Variants in PAX2 observed in about 807,000 individuals in gnomAD.
PAX2 encodes the protein paired box protein Pax-2.
In PAX2, 9 loss-of-function variants were observed where a neutral mutation model predicts 41.7. The ratio of observed to expected loss-of-function variants is 0.22; its 90% CI spans 0.13 to 0.38. PAX2 has a LOEUF of 0.38. Ranked by LOEUF, PAX2 falls within the 10% of genes least tolerant of loss-of-function variation. PAX2 has a pLI of 1.00. For missense variants in PAX2, 418 were observed against 531.6 expected, an observed-to-expected ratio of 0.79 and a Z score of 2.10; for synonymous variants, 221 against 212.7, an observed-to-expected ratio of 1.04 and a Z score of -0.34.
chr10:100,823,935 G>C (rs1779803803), intron 7 of PAX2, among the ~76,000 whole-genome samples: 1 of 152,182 alleles, frequency 6.6e-6, no homozygotes, highest in African/African-American at 2.4e-5. Flanking sequence ...AGCAGCTGGT[G>C]GGGGAGCAGA....
intron 3 of PAX2, among the ~76,000 whole-genome samples, chr10:100,759,240 G>A (rs1019192236): frequency 1.3e-5 from 2 of 152,208 alleles, no homozygotes; most frequent in African/African-American, 4.8e-5. Context: ...GGGGCCCAGA[G>A]GTGATGAAGG....
At chr10:100,805,744 A>G (rs1254893242) in intron 5 of PAX2, among the ~76,000 whole-genome samples, 1 of 152,168 alleles carries the variant, frequency 6.6e-6, no homozygotes, top group East Asian at 1.9e-4. Context: ...GAAGGCGGCC[A>G]GGGCATAGAG....
Position 100,748,984 on chromosome 10 carries a change from G to A in PAX2, c.44-762G>A. 6.1e-6 allele frequency: 6 copies of A among 985,410 alleles called. No individual in the cohort carries two copies. The highest frequency in any genetic ancestry group is 7.2e-6 in the Non-Finnish European group (6 of 829,932). The allele number at this position is 985,410 out of a possible 1,614,324, so 61.0% of individuals were successfully genotyped here. A position where few individuals can be genotyped will look rare whatever the true frequency, so the allele number is the denominator to read the frequency against. ...GCCGGCATTCTCTGCCTGCTGCCTG[G>A]AGCCGCTCTGCCTCCCTGTCTCTGA... On this transcript the variant is annotated intron_variant, in intron 1 of 9. Coordinates refer to ENST00000355243, the MANE Select transcript of PAX2 (RefSeq NM_000278.5). The surrounding 1 kb of genome is among the most constrained non-coding windows in gnomAD (Gnocchi z 5.0).
Position 100,750,667 on chromosome 10 carries a change from C to T in PAX2, c.213-27C>T, listed in dbSNP as rs776320249. ...CTGCCCCGCCACAGTCCGCTTCTGG[C>T]TGACCCCGCCGGCTTTCCCGGCGCA... On this transcript the variant is annotated intron_variant, in intron 2 of 9. Transcript: ENST00000355243. The surrounding 1 kb of genome is among the most constrained non-coding windows in gnomAD (Gnocchi z 4.1). 1 of 1,609,130 alleles carries T rather than the reference C, an allele frequency of 6.2e-7. No individual in the cohort carries two copies. The highest frequency in any genetic ancestry group is 8.5e-7 in the Non-Finnish European group (1 of 1,175,864).
At chr10:100,749,675 C>A in intron 1 of PAX2, 71 bp from the exon 2 acceptor site, 2 of 1,557,820 alleles carry the variant, frequency 1.3e-6, no homozygotes, top group Non-Finnish European at 8.7e-7. Flanking sequence ...CCGTCCCGGG[C>A]CGCGGACCCT....
intron 5 of PAX2, among the ~76,000 whole-genome samples, chr10:100,804,977 TTCTC>T (rs1218429788): frequency 0.011 from 804 of 71,986 alleles, 4 homozygotes; most frequent in Non-Finnish European, 0.017. Flanking sequence ...CTCTCTCTCC[TTCTC>T]TCTCTCTCTC....
chr10:100,759,610 T>G (rs1193499450), intron 3 of PAX2, among the ~76,000 whole-genome samples: 1 of 152,166 alleles, frequency 6.6e-6, no homozygotes, highest in Non-Finnish European at 1.5e-5. Context: ...GAACCACAGA[T>G]TTCTCTCTGC....
chr10:100,817,396 G>A (rs1327222075), intron 7 of PAX2, among the ~76,000 whole-genome samples: 3 of 152,214 alleles, frequency 2.0e-5, no homozygotes, highest in Non-Finnish European at 4.4e-5. Context: ...TGCTGAAGCT[G>A]CATTTCCATC....
At chr10:100,744,924 T>C (rs1468406194), upstream of PAX2, among the ~76,000 whole-genome samples, 1 of 152,154 alleles carries the variant, frequency 6.6e-6, no homozygotes, top group Non-Finnish European at 1.5e-5. Flanking sequence ...CTGGACACTT[T>C]TCCGTGGAAT....
At chr10:100,735,458 G>A (rs1844756558) in exon 1 of PAX2, 1 of 234,390 alleles carries the variant, frequency 4.3e-6, no homozygotes, top group Non-Finnish European at 8.4e-6. Flanking sequence ...GCACGCGTGT[G>A]CGCGGGGCGG....
At position 100,779,005 on chromosome 10, in the gene PAX2, A is replaced by G. The variant is rs530964991; in HGVS notation, c.411-493A>G. Among the ~76,000 whole-genome samples, 221 of 152,218 alleles carry G rather than the reference A, an allele frequency of 1.5e-3. 8 individuals carry two copies. The South Asian group carries it at 0.041, about 28-fold the overall frequency. ...CCTGGCTACTTCTCATTCTTTCAGGATATGGGGAAATCTCATCCTCTCAAC... is the reference window on the plus strand; with the variant it reads ...CCTGGCTACTTCTCATTCTTTCAGGGTATGGGGAAATCTCATCCTCTCAAC... On this transcript the variant is annotated intron_variant, in intron 3 of 9. Coordinates refer to ENST00000355243, the MANE Select transcript of PAX2 (RefSeq NM_000278.5).
chr10:100,745,991 C>T lies in PAX2; in HGVS notation c.-270C>T. On this transcript the variant is annotated 5_prime_UTR_variant, in exon 1 of 10. Transcript: ENST00000355243. The stretch of plus-strand genomic sequence containing the variant: ...CCCCAGTGCACCCCGGCCCGGCCCA[C>T]CGCCCCGGGGCCATTCTGCTGACCG... 7.4e-7 allele frequency: 1 copy of T among 1,348,456 alleles called. No individual in the cohort carries two copies. Among genetic ancestry groups the T allele is most frequent in the Non-Finnish European group, 9.5e-7 (1 of 1,055,368 alleles). The allele number at this position is 1,348,456 out of a possible 1,614,324, so 83.5% of individuals were successfully genotyped here.
Position 100,815,777 on chromosome 10 carries a change from A to G in PAX2, c.919+6541A>G, listed in dbSNP as rs181303612. Among the ~76,000 whole-genome samples the G allele has an allele frequency of 1.7e-4, 26 of 152,322 alleles. No homozygotes were observed. The East Asian group carries it at 5.0e-3, about 29-fold the overall frequency. On this transcript the variant is annotated intron_variant, in intron 7 of 9. Coordinates refer to ENST00000355243, the MANE Select transcript of PAX2 (RefSeq NM_000278.5). ...GAGTCAGGCCATATTTGACCAGAAT[A>G]AAAGCTGTGCCACCTCAATCTCAGG...
intron 3 of PAX2, among the ~76,000 whole-genome samples, chr10:100,771,692 T>G (rs1260181103): frequency 1.3e-5 from 2 of 152,226 alleles, no homozygotes; most frequent in African/African-American, 4.8e-5. Context: ...TGTTGCTGAC[T>G]TGCCTCGGGG....
In PAX2 at chr10:100,746,141, C is replaced by T; in HGVS notation, c.-120C>T. Reference sequence around the variant, plus strand: ...CCGCCCCCGCGCGCCCCGCAGCAGCCGGGCGTTCACTCATCCTCCCTCCCC... The same window carrying T: ...CCGCCCCCGCGCGCCCCGCAGCAGCTGGGCGTTCACTCATCCTCCCTCCCC... On this transcript the variant is annotated 5_prime_UTR_variant, in exon 1 of 10. Coordinates refer to ENST00000355243, the MANE Select transcript of PAX2 (RefSeq NM_000278.5). The T allele has an allele frequency of 6.3e-7, 1 of 1,581,722 alleles. No homozygotes were observed. The highest frequency in any genetic ancestry group is 8.6e-7 in the Non-Finnish European group (1 of 1,165,672).
At chr10:100,789,118 T>C (rs1846998890) in intron 5 of PAX2, among the ~76,000 whole-genome samples, 2 of 152,086 alleles carry the variant, frequency 1.3e-5, no homozygotes, top group Non-Finnish European at 2.9e-5. Flanking sequence ...CTCTCTCTCT[T>C]TTTTTTGGAT....
At chr10:100,783,481 G>A (rs1350636311) in intron 5 of PAX2, among the ~76,000 whole-genome samples, 3 of 152,140 alleles carry the variant, frequency 2.0e-5, no homozygotes, top group Admixed American at 1.3e-4. Flanking sequence ...GACAATGGTA[G>A]CCTGAAATTC....
chr10:100,810,859 CT>C (rs1847967703), intron 7 of PAX2, among the ~76,000 whole-genome samples: 1 of 152,154 alleles, frequency 6.6e-6, no homozygotes, highest in Non-Finnish European at 1.5e-5. Flanking sequence ...CCCCACCCGC[CT>C]CCCCCCCATG....
At chr10:100,798,744 C>T (rs1466653090) in intron 5 of PAX2, among the ~76,000 whole-genome samples, 1 of 152,160 alleles carries the variant, frequency 6.6e-6, no homozygotes, top group African/African-American at 2.4e-5. Context: ...GACTCCCCCA[C>T]CCAATCCATC....
Sources: gnomAD v4.1 joint callset for allele counts (sites outside exome capture counted in the v4.1 genomes callset) on GRCh38, gnomAD v4.1.1 for gene constraint, Gnocchi (gnomAD v3.1) non-coding constraint, MANE v1.5 for transcripts, NCBI Gene and HGNC (gene_info 2026-07-23, HGNC 2026-07-21) for gene names.